Variants in KLRG1 observed in about 807,000 individuals in gnomAD.
KLRG1 encodes killer cell lectin-like receptor subfamily G member 1.
Under a neutral mutation model 21.8 loss-of-function variants are expected in KLRG1, and 16 were observed. That is an observed-to-expected ratio of 0.73 (90% CI 0.50 to 1.11). The LOEUF is 1.11. KLRG1 is among the 50% of genes most tolerant of loss of function. The probability of loss-of-function intolerance (pLI) is 0.00; values close to 1 mark genes in which losing one functional copy is unlikely to be tolerated. For missense variants in KLRG1, 173 were observed against 218.3 expected (o/e 0.79, Z 1.31); for synonymous variants, 69 against 75.9 (o/e 0.91, Z 0.47).
the KLRG1 span, chr12:9,152,855 G>A: frequency 1.2e-6 from 2 of 1,614,074 alleles, no homozygotes; most frequent in African/African-American, 1.3e-5. Flanking sequence ...AAGCTGGTGT[G>A]GGCTTTGTGT....
At chr12:9,007,853 T>C (rs1947517435) in intron 3 of KLRG1, among the ~76,000 whole-genome samples, 1 of 152,248 alleles carries the variant, frequency 6.6e-6, no homozygotes, top group Admixed American at 6.5e-5. Flanking sequence ...AAAGTGTAAT[T>C]GTTAATTACA....
At chr12:9,040,436 G>GATCTATA in the KLRG1 span, among the ~76,000 whole-genome samples, 1 of 152,128 alleles carries the variant, frequency 6.6e-6, no homozygotes, top group Non-Finnish European at 1.5e-5. Flanking sequence ...TGATGGTTTG[G>GATCTATA]ATCTATAAGA....
chr12:8,978,539 T>A (rs2137278718), intron 1 of KLRG1, among the ~76,000 whole-genome samples: 1 of 152,260 alleles, frequency 6.6e-6, no homozygotes, highest in African/African-American at 2.4e-5. Context: ...TCTCTTTCAG[T>A]ACTTTGAATA....
the KLRG1 span, chr12:9,069,601 A>T: frequency 7.3e-6 from 4 of 547,004 alleles, no homozygotes; most frequent in Non-Finnish European, 3.2e-6. Flanking sequence ...TAAAGGAGAG[A>T]AGAACATTCT....
At chr12:9,059,059 A>G in the KLRG1 span, among the ~76,000 whole-genome samples, 4 of 152,238 alleles carry the variant, frequency 2.6e-5, no homozygotes, top group Admixed American at 2.0e-4. Flanking sequence ...TATTATGAAT[A>G]CCACCACATT....
the KLRG1 span, chr12:9,079,358 A>G: frequency 1.9e-6 from 3 of 1,594,248 alleles, no homozygotes; most frequent in South Asian, 1.1e-5. Flanking sequence ...ACGAAACAGC[A>G]CAATGGATTA....
intron 3 of KLRG1, among the ~76,000 whole-genome samples, chr12:9,000,462 A>G (rs1947272442): frequency 6.6e-6 from 1 of 152,224 alleles, no homozygotes; most frequent in Non-Finnish European, 1.5e-5. Context: ...TGTACAATTG[A>G]GTGGCATTAA....
the KLRG1 span, among the ~76,000 whole-genome samples, chr12:9,044,476 C>T: frequency 6.6e-6 from 1 of 151,922 alleles, no homozygotes; most frequent in Non-Finnish European, 1.5e-5. Context: ...ACCAGCCTGA[C>T]CAACATGGTG....
At chr12:9,112,144 T>C in the KLRG1 span, 2 of 1,613,116 alleles carry the variant, frequency 1.2e-6, no homozygotes, top group Non-Finnish European at 1.7e-6. Context: ...TTTATGTAGA[T>C]AATAGAAAAC....
intron 3 of KLRG1, among the ~76,000 whole-genome samples, chr12:9,001,860 G>A (rs927358371): frequency 2.0e-5 from 3 of 152,044 alleles, no homozygotes; most frequent in African/African-American, 7.2e-5. Flanking sequence ...TTTATCCTAT[G>A]TTTTTAGGTG....
chr12:8,974,548 C>G (rs927923420), intron 1 of KLRG1, among the ~76,000 whole-genome samples: 1 of 152,048 alleles, frequency 6.6e-6, no homozygotes, highest in Non-Finnish European at 1.5e-5. Context: ...TACATTCTCT[C>G]TATACCCATT....
the KLRG1 span, chr12:9,095,748 T>G: frequency 9.9e-6 from 13 of 1,319,412 alleles, no homozygotes; most frequent in Non-Finnish European, 1.1e-5. Context: ...GTGACTTTTT[T>G]TTTTTTTTTT....
the KLRG1 span, chr12:9,128,065 C>G: frequency 4.7e-6 from 1 of 214,120 alleles, no homozygotes; most frequent in Non-Finnish European, 9.8e-6. Context: ...GCAGGGCGCC[C>G]GATGAGCTGA....
At chr12:9,151,207 T>C in the KLRG1 span, among the ~76,000 whole-genome samples, 1 of 152,220 alleles carries the variant, frequency 6.6e-6, no homozygotes, top group Admixed American at 6.5e-5. Flanking sequence ...ACTGGGGTCA[T>C]ATTTATTCAT....
the KLRG1 span, among the ~76,000 whole-genome samples, chr12:9,016,860 T>C: frequency 3.9e-5 from 6 of 152,074 alleles, no homozygotes; most frequent in Admixed American, 2.0e-4. Context: ...GTGATCCACC[T>C]GCCTCAGCCT....
chr12:9,053,266 AC>A, the KLRG1 span, among the ~76,000 whole-genome samples: 1 of 152,132 alleles, frequency 6.6e-6, no homozygotes, highest in Non-Finnish European at 1.5e-5. Context: ...AAAGGCTGTG[AC>A]CACCTGTGAC....
At chr12:9,098,751 A>G in the KLRG1 span, 8 of 1,612,760 alleles carry the variant, frequency 5.0e-6, no homozygotes, top group Non-Finnish European at 6.8e-6. Flanking sequence ...TGAAGCTCAA[A>G]TCCACCTGTG....
At chr12:9,090,361 G>T in the KLRG1 span, 1 of 1,613,972 alleles carries the variant, frequency 6.2e-7, no homozygotes, top group South Asian at 1.1e-5. Flanking sequence ...CTCACCTAAT[G>T]ACTTTGGGGT....
the KLRG1 span, chr12:9,109,918 G>C: frequency 3.1e-6 from 5 of 1,613,752 alleles, no homozygotes; most frequent in East Asian, 6.7e-5. Flanking sequence ...GATTTCTTCT[G>C]TACCACCACC....
Sources: gnomAD v4.1 joint callset for allele counts (sites outside exome capture counted in the v4.1 genomes callset) on GRCh38, gnomAD v4.1.1 for gene constraint, MANE v1.5 for transcripts, NCBI Gene and HGNC (gene_info 2026-07-23, HGNC 2026-07-21) for gene names.